The following PLXNA4 variants were observed in gnomAD, a reference collection of about 807,000 sequenced individuals.
PLXNA4 encodes the protein plexin-A4.
Under a neutral mutation model 191.8 loss-of-function variants are expected in PLXNA4, and 44 were observed. That is an observed-to-expected ratio of 0.23 (90% CI 0.18 to 0.29). The LOEUF is 0.29. PLXNA4 is among the 10% of genes least tolerant of loss of function. The pLI is 1.00. For synonymous variants in PLXNA4, 1,082 were observed against 1,009.5 expected (o/e 1.07, Z -1.36); for missense variants, 1,800 against 2,488.8 (o/e 0.72, Z 5.89).
At chr7:132,627,811 G>C (rs1320384545) in intron 2 of PLXNA4, among the ~76,000 whole-genome samples, 1 of 152,140 alleles carries the variant, frequency 6.6e-6, no homozygotes, top group African/African-American at 2.4e-5. Flanking sequence ...CCTTGATCCT[G>C]GACTTCCCAG....
chr7:132,202,968 C>A, intron 11 of PLXNA4, 132 bp from the exon 12 acceptor site: 2 of 939,486 alleles, frequency 2.1e-6, no homozygotes, highest in Non-Finnish European at 3.1e-6. Flanking sequence ...CCCCCTTAGC[C>A]ATTCTGATGC....
chr7:132,546,299 A>G (rs764646825), intron 1 of PLXNA4, among the ~76,000 whole-genome samples: 10 of 152,182 alleles, frequency 6.6e-5, no homozygotes, highest in Non-Finnish European at 1.0e-4. Flanking sequence ...AAGAAAGGAC[A>G]AGTATTAGGG....
At chr7:132,162,803 G>A (rs1173590228) in intron 24 of PLXNA4, among the ~76,000 whole-genome samples, 1 of 152,048 alleles carries the variant, frequency 6.6e-6, no homozygotes, top group Non-Finnish European at 1.5e-5. Context: ...GGATTCCCGG[G>A]GCTTTTGGAA....
intron 3 of PLXNA4, among the ~76,000 whole-genome samples, chr7:132,435,815 C>A (rs986297725): frequency 6.6e-6 from 1 of 152,182 alleles, no homozygotes; most frequent in South Asian, 2.1e-4. Context: ...TTCCTCTCTT[C>A]TCTCTTCCCC....
In PLXNA4 at chr7:132,198,518, C is replaced by A; in HGVS notation, c.2705G>T (p.Ser902Ile). 6.2e-7 allele frequency: 1 copy of A among 1,614,212 alleles called. No homozygotes were observed. Among genetic ancestry groups the A allele is most frequent in the Non-Finnish European group, 8.5e-7 (1 of 1,180,028 alleles). Residue 902 changes from serine (S) to isoleucine (I), a missense_variant, in exon 13 of 32, where the codon AGC (serine) becomes ATC (isoleucine). Ser to Ile is a moderately radical substitution (Grantham distance 142). Transcript: ENST00000321063. ...SHVKVAGVEC[S>I]PLVDGYIPAE... is the part of the protein sequence containing the mutation. ...AGGGATGTAACCATCCACTAAAGGGCTGCACTCCACGCCAGCAACCTTGAC... is the reference window on the plus strand; with the variant it reads ...AGGGATGTAACCATCCACTAAAGGGATGCACTCCACGCCAGCAACCTTGAC...
intron 3 of PLXNA4, chr7:132,384,179 G>A (rs890914246): frequency 6.1e-6 from 6 of 985,286 alleles, no homozygotes; most frequent in Non-Finnish European, 6.0e-6. Context: ...ACCCTAAAGA[G>A]AATTACACTG....
chr7:132,458,690 T>C (rs1796393872), intron 3 of PLXNA4, among the ~76,000 whole-genome samples: 1 of 151,860 alleles, frequency 6.6e-6, no homozygotes, highest in Non-Finnish European at 1.5e-5. Flanking sequence ...TTCTGGGGCA[T>C]GGGAATGTTC....
At chr7:132,553,576 C>G (rs1232970974) in intron 1 of PLXNA4, among the ~76,000 whole-genome samples, 1 of 152,200 alleles carries the variant, frequency 6.6e-6, no homozygotes, top group Admixed American at 6.5e-5. Context: ...CCTAGCAAAG[C>G]ACCCCTGCAC....
chr7:132,458,217 G>C (rs910484549), intron 3 of PLXNA4, among the ~76,000 whole-genome samples: 1 of 151,726 alleles, frequency 6.6e-6, no homozygotes, highest in Non-Finnish European at 1.5e-5. Context: ...CAGCCTACTA[G>C]AACCAAAAAG....
intron 21 of PLXNA4, among the ~76,000 whole-genome samples, chr7:132,173,094 C>T (rs555254849): frequency 1.3e-5 from 2 of 152,316 alleles, no homozygotes; most frequent in African/African-American, 4.8e-5. Context: ...GCACAGTCTA[C>T]ACATCCAATC....
intron 6 of PLXNA4, among the ~76,000 whole-genome samples, 196 bp downstream of exon 6, chr7:132,228,150 A>T (rs1262411021): frequency 6.6e-6 from 1 of 151,994 alleles, no homozygotes; most frequent in African/African-American, 2.4e-5. Context: ...CTTCCCCAAT[A>T]GTCCTGTCCC....
intron 10 of PLXNA4, among the ~76,000 whole-genome samples, chr7:132,208,977 T>A (rs1797714074): frequency 6.6e-6 from 1 of 152,204 alleles, no homozygotes; most frequent in African/African-American, 2.4e-5. Flanking sequence ...GCTCTCGGCC[T>A]GGGAAATGCT....
chr7:132,409,853 G>C (rs532094132), intron 3 of PLXNA4, among the ~76,000 whole-genome samples: 1 of 152,166 alleles, frequency 6.6e-6, no homozygotes, highest in Non-Finnish European at 1.5e-5. Context: ...CTCGTCCTCC[G>C]GGAGATCCCC....
At chr7:132,399,540 T>A (rs959821155) in intron 3 of PLXNA4, among the ~76,000 whole-genome samples, 2 of 152,056 alleles carry the variant, frequency 1.3e-5, no homozygotes, top group Non-Finnish European at 2.9e-5. Context: ...AGAGGCTTCA[T>A]GGGGGAGGCG....
chr7:132,311,156 T>TTGTGTGTGTGTGTGTGTG (rs749947062), intron 3 of PLXNA4, among the ~76,000 whole-genome samples: 156 of 132,120 alleles, frequency 1.2e-3, no homozygotes, highest in East Asian at 0.011. Context: ...TCTAGGATAA[T>TTGTGTGTGTGTGTGTGTG]TGTGTGTGTG....
intron 3 of PLXNA4, among the ~76,000 whole-genome samples, chr7:132,485,174 C>T (rs1279613613): frequency 6.6e-5 from 10 of 152,172 alleles, no homozygotes; most frequent in African/African-American, 2.4e-4. Context: ...TTCAGAGAGG[C>T]TGGTATGGAT....
At chr7:132,511,642 C>T (rs2116287410) in intron 1 of PLXNA4, among the ~76,000 whole-genome samples, 1 of 152,204 alleles carries the variant, frequency 6.6e-6, no homozygotes, top group Non-Finnish European at 1.5e-5. Flanking sequence ...CAGTTAAGTG[C>T]TTAGGAAATG....
At chr7:132,145,921 A>AAC (rs1326347339) in intron 28 of PLXNA4, among the ~76,000 whole-genome samples, 1 of 148,380 alleles carries the variant, frequency 6.7e-6, no homozygotes, top group East Asian at 2.0e-4. Flanking sequence ...AATACAAAAA[A>AAC]AAAAAAAAAA....
At chr7:132,576,673 G>A (rs886159207), upstream of PLXNA4, 5 of 869,290 alleles carry the variant, frequency 5.8e-6, 1 homozygote, top group South Asian at 1.1e-4. The surrounding 1 kb of genome is among the most constrained non-coding windows in gnomAD (Gnocchi z 5.8). Flanking sequence ...CAAGGTGGGC[G>A]TAATGTCCAA....
Sources: allele counts gnomAD v4.1 joint callset (sites outside exome capture counted in the v4.1 genomes callset), GRCh38; gene constraint gnomAD v4.1.1; non-coding constraint Gnocchi (gnomAD v3.1); transcripts MANE v1.5; gene names NCBI Gene and HGNC (gene_info 2026-07-23, HGNC 2026-07-21).